Variants in PDSS1 observed in about 807,000 individuals in gnomAD.
PDSS1 encodes the protein decaprenyl diphosphate synthase subunit 1.
PDSS1 carries 43 observed loss-of-function variants against 57.5 expected under a neutral mutation model. That is an observed-to-expected ratio of 0.75 (90% CI 0.59 to 0.96). PDSS1 has a LOEUF of 0.96. Among genes scored for constraint, PDSS1 ranks in the 50% least tolerant of loss-of-function variants. PDSS1 has a pLI of 0.00. For missense variants in PDSS1, 438 were observed against 527.8 expected (o/e 0.83, Z 1.67); for synonymous variants, 175 against 191.3 (o/e 0.91, Z 0.70).
intron 8 of PDSS1, among the ~76,000 whole-genome samples, chr10:26,726,816 C>G (rs1292668188): frequency 3.3e-5 from 5 of 152,148 alleles, no homozygotes; most frequent in Non-Finnish European, 7.3e-5. Context: ...AATCCTAACA[C>G]TTTAGGAGGC....
chr10:26,735,450 T>C lies in PDSS1; in HGVS notation c.913-16T>C. The C allele has an allele frequency of 1.9e-6, 3 of 1,558,168 alleles. No individual in the cohort carries two copies. The highest frequency in any genetic ancestry group is 2.2e-5 in the East Asian group (1 of 44,630). ...GCATGGCGGTGCTCCTTACATCCCA[T>C]TTTTCCTTTTGCCAGCTAATAGATG... On this transcript the variant is annotated splice_polypyrimidine_tract_variant and intron_variant, in intron 9 of 11. Transcript: ENST00000376215.
At chr10:26,744,870 A>T (rs796381850) in intron 11 of PDSS1, among the ~76,000 whole-genome samples, 69 of 152,278 alleles carry the variant, frequency 4.5e-4, no homozygotes, top group African/African-American at 1.6e-3. Flanking sequence ...TCCATTTCTA[A>T]ATGTCAGAGG....
chr10:26,709,829 T>G, intron 5 of PDSS1, 61 bp downstream of exon 5: 1 of 1,529,744 alleles, frequency 6.5e-7, no homozygotes, highest in Non-Finnish European at 9.1e-7. Flanking sequence ...CTTCCCGGGG[T>G]TACTTACTGT....
rs1836925069 is a variant in PDSS1 at position 26,746,518 on chromosome 10, C to T, written c.*45C>T. On this transcript the variant is annotated 3_prime_UTR_variant, in exon 12 of 12. Coordinates refer to ENST00000376215, the MANE Select transcript of PDSS1 (RefSeq NM_014317.5). Reference sequence around the variant, plus strand: ...TGGCAGCTATCTTACCAGACTGTGCCTAAAGAATTTTGTGGAATACACTTT... The same window carrying T: ...TGGCAGCTATCTTACCAGACTGTGCTTAAAGAATTTTGTGGAATACACTTT... The T allele has an allele frequency of 1.9e-6, 3 of 1,605,694 alleles. No individual in the cohort carries two copies. The highest frequency in any genetic ancestry group is 8.5e-7 in the Non-Finnish European group (1 of 1,172,748).
intron 5 of PDSS1, among the ~76,000 whole-genome samples, chr10:26,710,777 C>T (rs2489554): frequency 0.033 from 3,147 of 94,708 alleles, 909 homozygotes; most frequent in African/African-American, 0.1. Context: ...GGATTATCCC[C>T]TGGGATTACT....
chr10:26,707,712 C>G lies in PDSS1; in HGVS notation c.337-1926C>G, dbSNP rs372302061. On this transcript the variant is annotated intron_variant, in intron 4 of 11. Transcript: ENST00000376215. The stretch of plus-strand genomic sequence containing the variant: ...CCTTATATATCTGTGTCCATACTTA[C>G]GTCTCTCAAATAATATCACTACTCC... Among the ~76,000 whole-genome samples the G allele has an allele frequency of 1.9e-4, 29 of 152,306 alleles. No individual in the cohort carries two copies. The South Asian group carries it at 3.3e-3, about 17-fold the overall frequency.
At chr10:26,734,865 C>A (rs752072513) in intron 8 of PDSS1, 7 of 426,008 alleles carry the variant, frequency 1.6e-5, no homozygotes, top group Admixed American at 2.8e-5. Flanking sequence ...TTGCCGAGTG[C>A]TAGAAGTCAG....
chr10:26,706,319 A>G (rs1835213409), intron 4 of PDSS1, among the ~76,000 whole-genome samples: 2 of 152,206 alleles, frequency 1.3e-5, no homozygotes. Flanking sequence ...CTATAATCCT[A>G]GCACTTTGAG....
intron 1 of PDSS1, 141 bp downstream of exon 1, chr10:26,697,981 G>C: frequency 8.0e-6 from 6 of 749,832 alleles, no homozygotes; most frequent in Non-Finnish European, 1.1e-5. Context: ...CTCCGGGGTG[G>C]GACTCCGGAG....
intron 8 of PDSS1, among the ~76,000 whole-genome samples, chr10:26,729,477 T>C (rs971482059): frequency 2.6e-5 from 4 of 152,196 alleles, no homozygotes; most frequent in Non-Finnish European, 5.9e-5. Flanking sequence ...GGATTTGTGG[T>C]TTATTCCAGG....
chr10:26,741,523 T>A (rs974089882), intron 10 of PDSS1, among the ~76,000 whole-genome samples: 1 of 151,496 alleles, frequency 6.6e-6, no homozygotes, highest in Non-Finnish European at 1.5e-5. Flanking sequence ...CAAAAAACAC[T>A]CCCCAGCTGA....
At chr10:26,724,657 A>G (rs1588691724) in intron 8 of PDSS1, among the ~76,000 whole-genome samples, 1 of 152,068 alleles carries the variant, frequency 6.6e-6, no homozygotes, top group Admixed American at 6.6e-5. Flanking sequence ...GGCTCACTAC[A>G]ACCTCCACCT....
At chr10:26,743,222 C>G (rs1201184965) in intron 11 of PDSS1, among the ~76,000 whole-genome samples, 1 of 152,212 alleles carries the variant, frequency 6.6e-6, no homozygotes, top group African/African-American at 2.4e-5. Flanking sequence ...AGCCAGATCT[C>G]TCTGCATGAC....
At chr10:26,732,384 A>G (rs1275012232) in intron 8 of PDSS1, among the ~76,000 whole-genome samples, 1 of 152,222 alleles carries the variant, frequency 6.6e-6, no homozygotes, top group Non-Finnish European at 1.5e-5. Context: ...GAAGCTGCCC[A>G]CTAAATAAGC....
At chr10:26,729,919 T>A (rs892920175) in intron 8 of PDSS1, among the ~76,000 whole-genome samples, 2 of 123,014 alleles carry the variant, frequency 1.6e-5, no homozygotes, top group African/African-American at 3.2e-5. Flanking sequence ...TTTTTTTTTT[T>A]TTTTTTTTTT....
At chr10:26,710,554 G>A (rs1402017447) in intron 5 of PDSS1, among the ~76,000 whole-genome samples, 1 of 88,492 alleles carries the variant, frequency 1.1e-5, no homozygotes, top group African/African-American at 3.7e-5. Context: ...TGGCCAGGCT[G>A]GTCTCAAACT....
chr10:26,716,237 C>T (rs762468196), intron 5 of PDSS1, among the ~76,000 whole-genome samples: 5 of 152,152 alleles, frequency 3.3e-5, no homozygotes, highest in Non-Finnish European at 7.3e-5. Context: ...TCCCTCCCTA[C>T]ACACTGGGGG....
chr10:26,734,721 C>T (rs1836331132), intron 8 of PDSS1: 1 of 455,984 alleles, frequency 2.2e-6, no homozygotes, highest in African/African-American at 2.0e-5. Context: ...CATTCAGAAA[C>T]AGGTGAAATT....
rs1053420949 is a variant in PDSS1, at chr10:26,729,069, C to T, written c.831+4946C>T. On this transcript the variant is annotated intron_variant, in intron 8 of 11. Transcript: ENST00000376215. Reference sequence around the variant, plus strand: ...TGCTGGGATTATAGGCGTGAGTCACCGTGCCCAGCCATCTTATTTTATTCT... The same window carrying T: ...TGCTGGGATTATAGGCGTGAGTCACTGTGCCCAGCCATCTTATTTTATTCT... Among the ~76,000 whole-genome samples the T allele has an allele frequency of 6.6e-5, 10 of 152,106 alleles. No homozygotes were observed. In the East Asian group the frequency reaches 1.7e-3, roughly 26 times the overall value.
Sources: allele counts gnomAD v4.1 joint callset (sites outside exome capture counted in the v4.1 genomes callset), GRCh38; gene constraint gnomAD v4.1.1; transcripts MANE v1.5; gene names NCBI Gene and HGNC (gene_info 2026-07-23, HGNC 2026-07-21).